ZBTB20: variants seen among roughly 807,000 people sequenced by gnomAD.
ZBTB20 encodes the protein zinc finger and BTB domain-containing protein 20.
Under a neutral mutation model 56.9 loss-of-function variants are expected in ZBTB20, and 9 were observed. The observed-to-expected ratio is 0.16, with a 90% CI of 0.10 to 0.28. The LOEUF (loss-of-function observed/expected upper bound fraction) is 0.28. Among genes scored for constraint, ZBTB20 ranks in the 10% least tolerant of loss-of-function variants. The probability of loss-of-function intolerance (pLI) is 1.00; values close to 1 mark genes in which losing one functional copy is unlikely to be tolerated. For missense variants in ZBTB20, 655 were observed against 1,003.0 expected, an observed-to-expected ratio of 0.65 and a Z score of 4.69; for synonymous variants, 417 against 420.7, an observed-to-expected ratio of 0.99 and a Z score of 0.11.
chr3:114,909,331 C>G (rs1159136106), intron 3 of ZBTB20, among the ~76,000 whole-genome samples: 1 of 151,904 alleles, frequency 6.6e-6, no homozygotes, highest in Non-Finnish European at 1.5e-5. Context: ...ATATTTTGTA[C>G]AGCTATACAA....
chr3:114,804,612 T>C (rs1211414152), intron 4 of ZBTB20, among the ~76,000 whole-genome samples: 1 of 151,876 alleles, frequency 6.6e-6, no homozygotes, highest in Non-Finnish European at 1.5e-5. Flanking sequence ...TATTTTAGTA[T>C]TTTTTTCTTT....
intron 3 of ZBTB20, among the ~76,000 whole-genome samples, chr3:114,923,708 A>T (rs2076045490): frequency 6.6e-6 from 1 of 152,016 alleles, no homozygotes; most frequent in South Asian, 2.1e-4. Context: ...AAGCAAAAAT[A>T]AAAAAAAGTA....
chr3:115,125,233 C>T (rs2084293727), intron 1 of ZBTB20, among the ~76,000 whole-genome samples: 1 of 151,628 alleles, frequency 6.6e-6, no homozygotes, highest in East Asian at 1.9e-4. Context: ...GTCCCAGCTA[C>T]GCAGGAGGTT....
intron 7 of ZBTB20, among the ~76,000 whole-genome samples, chr3:114,483,676 C>T (rs1026737449): frequency 2.0e-5 from 3 of 152,116 alleles, no homozygotes; most frequent in African/African-American, 7.2e-5. Flanking sequence ...AGTCTCTCTC[C>T]TCATCATGTA....
intron 5 of ZBTB20, among the ~76,000 whole-genome samples, chr3:114,741,986 C>A (rs1704757291): frequency 6.6e-6 from 1 of 151,806 alleles, no homozygotes; most frequent in Admixed American, 6.6e-5. Context: ...AGAGTATGAA[C>A]AATTTTCCTT....
intron 6 of ZBTB20, among the ~76,000 whole-genome samples, chr3:114,610,359 A>C (rs2057459351): frequency 6.6e-6 from 1 of 152,232 alleles, no homozygotes; most frequent in African/African-American, 2.4e-5. Context: ...TGCAGGTCTT[A>C]ACCCCAGTTT....
chr3:114,872,012 T>G (rs2076030712), intron 4 of ZBTB20, among the ~76,000 whole-genome samples: 1 of 152,070 alleles, frequency 6.6e-6, no homozygotes, highest in Admixed American at 6.6e-5. Context: ...GAGTTTACTT[T>G]CACTTCCCGC....
intron 7 of ZBTB20, among the ~76,000 whole-genome samples, chr3:114,474,851 G>A (rs1425140414): frequency 6.6e-6 from 1 of 152,052 alleles, no homozygotes; most frequent in Non-Finnish European, 1.5e-5. Context: ...TGCCTTCATT[G>A]CCTTTCACCT....
At chr3:114,360,106 TAAA>T (rs549101588) in intron 10 of ZBTB20, among the ~76,000 whole-genome samples, 1 of 139,942 alleles carries the variant, frequency 7.1e-6, no homozygotes, top group Non-Finnish European at 1.6e-5. Flanking sequence ...ATAGTGTCAT[TAAA>T]AAAAAAAAAA....
intron 4 of ZBTB20, among the ~76,000 whole-genome samples, chr3:114,863,528 CAT>C (rs2075630419): frequency 6.6e-6 from 1 of 152,088 alleles, no homozygotes; most frequent in African/African-American, 2.4e-5. Flanking sequence ...AACTCTATCA[CAT>C]ATGGGCTAAT....
chr3:114,825,298 G>A (rs1199752813), intron 4 of ZBTB20, among the ~76,000 whole-genome samples: 2 of 151,944 alleles, frequency 1.3e-5, no homozygotes, highest in Non-Finnish European at 2.9e-5. Flanking sequence ...TTCCACCTCT[G>A]CATGCTGCAG....
chr3:114,748,338 T>TTTC (rs1491236173), intron 5 of ZBTB20, among the ~76,000 whole-genome samples: 5 of 59,534 alleles, frequency 8.4e-5, no homozygotes, highest in Admixed American at 3.4e-4. Flanking sequence ...TTCTTTCTTC[T>TTTC]TTCTTTCTTT....
chr3:114,474,755 C>T (rs1325725018), intron 7 of ZBTB20, among the ~76,000 whole-genome samples: 1 of 152,128 alleles, frequency 6.6e-6, no homozygotes, highest in Non-Finnish European at 1.5e-5. Flanking sequence ...CCCTTGCTCC[C>T]CAAATATAAT....
intron 7 of ZBTB20, among the ~76,000 whole-genome samples, chr3:114,462,695 A>G (rs1262086588): frequency 6.6e-6 from 1 of 152,198 alleles, no homozygotes; most frequent in Non-Finnish European, 1.5e-5. Flanking sequence ...TTCAAGTCCA[A>G]ACTCTTAGTA....
chr3:114,654,431 T>C (rs1355622543), intron 6 of ZBTB20, among the ~76,000 whole-genome samples: 1 of 151,950 alleles, frequency 6.6e-6, no homozygotes, highest in Non-Finnish European at 1.5e-5. Flanking sequence ...CTAGATATTT[T>C]ATTGTTTTCT....
intron 4 of ZBTB20, among the ~76,000 whole-genome samples, chr3:114,831,047 C>A (rs1218288671): frequency 6.7e-6 from 1 of 148,754 alleles, no homozygotes; most frequent in African/African-American, 2.5e-5. Context: ...AAAATCCCTT[C>A]CCCCCATACC....
At chr3:114,824,470 T>A (rs548173549) in intron 4 of ZBTB20, among the ~76,000 whole-genome samples, 2 of 152,138 alleles carry the variant, frequency 1.3e-5, no homozygotes, top group South Asian at 2.1e-4. Context: ...AGGCTTTTTT[T>A]AATATCATTA....
chr3:114,944,064 A>G (rs927570660), intron 3 of ZBTB20, among the ~76,000 whole-genome samples: 1 of 145,998 alleles, frequency 6.8e-6, no homozygotes, highest in Non-Finnish European at 1.5e-5. Context: ...TTGAAGCCAG[A>G]GAACAAAGCC....
At chr3:114,773,305 T>G (rs986445831) in intron 5 of ZBTB20, among the ~76,000 whole-genome samples, 2 of 152,202 alleles carry the variant, frequency 1.3e-5, no homozygotes, top group Non-Finnish European at 2.9e-5. Context: ...CTGCTAAGTT[T>G]GTGGTTGGTA....
Sources: allele counts gnomAD v4.1 joint callset (sites outside exome capture counted in the v4.1 genomes callset), GRCh38; gene constraint gnomAD v4.1.1; transcripts MANE v1.5; gene names NCBI Gene and HGNC (gene_info 2026-07-23, HGNC 2026-07-21).